The following GRID2 variants were observed in gnomAD, a reference collection of about 807,000 sequenced individuals.
The protein encoded by GRID2 is glutamate ionotropic receptor delta type subunit 2, also known as glutamate receptor ionotropic, delta-2.
In GRID2, 33 loss-of-function variants were observed where a neutral mutation model predicts 114.8. The observed-to-expected ratio is 0.29, with a 90% confidence interval of 0.22 to 0.38. The LOEUF (loss-of-function observed/expected upper bound fraction) is 0.38. Among genes scored for constraint, GRID2 ranks in the 10% least tolerant of loss-of-function variants. The probability of loss-of-function intolerance (pLI) is 1.00; values close to 1 mark genes in which losing one functional copy is unlikely to be tolerated. For missense variants in GRID2, 1,184 were observed against 1,257.7 expected, an observed-to-expected ratio of 0.94 and a Z score of 0.89; for synonymous variants, 505 against 449.9, an observed-to-expected ratio of 1.12 and a Z score of -1.55.
chr4:93,118,705 TAGAA>T (rs1733508295), intron 4 of GRID2, among the ~76,000 whole-genome samples: 1 of 152,026 alleles, frequency 6.6e-6, no homozygotes, highest in Non-Finnish European at 1.5e-5. Flanking sequence ...GATTATATGA[TAGAA>T]AGGCAAATGA....
chr4:93,286,695 GTGTGTGTGT>G (rs1753201368), intron 8 of GRID2, among the ~76,000 whole-genome samples: 2 of 137,238 alleles, frequency 1.5e-5, no homozygotes, highest in South Asian at 2.2e-4. Flanking sequence ...GTGTGTGGGG[GTGTGTGTGT>G]GTGTGTGTGT....
At chr4:93,393,358 AAGG>A (rs1765033966) in intron 8 of GRID2, among the ~76,000 whole-genome samples, 1 of 152,104 alleles carries the variant, frequency 6.6e-6, no homozygotes, top group South Asian at 2.1e-4. Context: ...GCGGAAAAAA[AAGG>A]AGAACACAGA....
intron 2 of GRID2, among the ~76,000 whole-genome samples, chr4:92,894,008 G>A (rs1746979170): frequency 6.6e-6 from 1 of 151,956 alleles, no homozygotes; most frequent in African/African-American, 2.4e-5. Context: ...TAATTACCTA[G>A]AGTGTGGGTA....
At chr4:93,509,280 T>C (rs1728937973) in intron 12 of GRID2, among the ~76,000 whole-genome samples, 1 of 152,044 alleles carries the variant, frequency 6.6e-6, no homozygotes, top group African/African-American at 2.4e-5. Context: ...TGGTGACAGA[T>C]TTACAAAATT....
intron 8 of GRID2, among the ~76,000 whole-genome samples, chr4:93,246,863 C>T (rs928884985): frequency 2.6e-5 from 4 of 152,086 alleles, no homozygotes; most frequent in African/African-American, 7.2e-5. Context: ...GTAGGGGAAC[C>T]CTGCACTCTT....
chr4:93,208,787 T>A (rs1743108758), intron 5 of GRID2, among the ~76,000 whole-genome samples: 1 of 152,020 alleles, frequency 6.6e-6, no homozygotes. Context: ...GATAGGTTTT[T>A]CTGAGATTTC....
chr4:92,730,791 A>C (rs1736294190), intron 2 of GRID2, among the ~76,000 whole-genome samples: 1 of 151,986 alleles, frequency 6.6e-6, no homozygotes, highest in African/African-American at 2.4e-5. Flanking sequence ...CAAGCGAATA[A>C]GCAATCAGTT....
At chr4:92,868,706 A>AGTGTGT (rs201335750) in intron 2 of GRID2, among the ~76,000 whole-genome samples, 16 of 148,506 alleles carry the variant, frequency 1.1e-4, no homozygotes, top group African/African-American at 3.7e-4. Flanking sequence ...CATTTTATGT[A>AGTGTGT]GTGTGTGTGT....
intron 1 of GRID2, among the ~76,000 whole-genome samples, chr4:92,443,340 G>A (rs1324534759): frequency 6.6e-6 from 1 of 152,114 alleles, no homozygotes; most frequent in African/African-American, 2.4e-5. Context: ...AGAAAATAAG[G>A]CATTTAGGTT....
intron 2 of GRID2, among the ~76,000 whole-genome samples, chr4:93,053,480 A>T (rs1726918891): frequency 1.3e-5 from 2 of 151,888 alleles, no homozygotes; most frequent in Non-Finnish European, 2.9e-5. Flanking sequence ...TTTTTTCTGG[A>T]TACCTACCTT....
chr4:93,096,219 A>G (rs1248080765), intron 3 of GRID2, among the ~76,000 whole-genome samples: 1 of 152,018 alleles, frequency 6.6e-6, no homozygotes, highest in East Asian at 1.9e-4. Context: ...AAATTAATTC[A>G]AGATTTATCA....
At chr4:92,729,537 CA>C (rs1190202468) in intron 2 of GRID2, among the ~76,000 whole-genome samples, 4 of 151,986 alleles carry the variant, frequency 2.6e-5, no homozygotes, top group Admixed American at 1.3e-4. Context: ...TTTGTTTTGG[CA>C]TTTCCTGAAG....
At chr4:92,591,944 A>G (rs1728722954) in intron 2 of GRID2, among the ~76,000 whole-genome samples, 1 of 152,128 alleles carries the variant, frequency 6.6e-6, no homozygotes, top group Admixed American at 6.6e-5. Context: ...TCAGTTATTT[A>G]CATTTTAAAA....
intron 2 of GRID2, among the ~76,000 whole-genome samples, chr4:92,781,651 AT>A (rs907391220): frequency 6.6e-6 from 1 of 152,086 alleles, no homozygotes; most frequent in Non-Finnish European, 1.5e-5. Flanking sequence ...ATGTTATACT[AT>A]TTATTACTGG....
chr4:92,419,074 A>G (rs1731762698), intron 1 of GRID2, among the ~76,000 whole-genome samples: 1 of 152,068 alleles, frequency 6.6e-6, no homozygotes, highest in Non-Finnish European at 1.5e-5. Context: ...CTATAGTGGG[A>G]TAGATTTTGA....
chr4:93,434,782 G>C (rs1720909718), intron 10 of GRID2, among the ~76,000 whole-genome samples: 1 of 152,082 alleles, frequency 6.6e-6, no homozygotes, highest in South Asian at 2.1e-4. Context: ...AGTAAAAACT[G>C]TCCTTAAAAT....
At chr4:92,519,558 C>T (rs942809965) in intron 1 of GRID2, among the ~76,000 whole-genome samples, 1 of 150,098 alleles carries the variant, frequency 6.7e-6, no homozygotes, top group Non-Finnish European at 1.5e-5. Context: ...CTTCAGAGAA[C>T]CATAACTAAT....
At chr4:92,331,322 A>G (rs1183899385) in intron 1 of GRID2, among the ~76,000 whole-genome samples, 2 of 152,188 alleles carry the variant, frequency 1.3e-5, no homozygotes, top group Non-Finnish European at 2.9e-5. Flanking sequence ...TGAAATTTAG[A>G]CATTAGAGGT....
At chr4:92,822,268 CGCATG>C (rs980988873) in intron 2 of GRID2, 25 of 577,750 alleles carry the variant, frequency 4.3e-5, no homozygotes, top group Admixed American at 5.7e-5. Context: ...TTGTTGAGAT[CGCATG>C]GCATGGCATG....
Sources: allele counts gnomAD v4.1 joint callset (sites outside exome capture counted in the v4.1 genomes callset), GRCh38; gene constraint gnomAD v4.1.1; transcripts MANE v1.5; gene names NCBI Gene and HGNC (gene_info 2026-07-23, HGNC 2026-07-21).